LRMDA: variants seen among roughly 807,000 people sequenced by gnomAD.
LRMDA encodes the protein leucine-rich melanocyte differentiation-associated protein.
Under a neutral mutation model 29.8 loss-of-function variants are expected in LRMDA, and 18 were observed. That is an observed-to-expected ratio of 0.60 (90% CI 0.42 to 0.90). LRMDA has a LOEUF of 0.90. LRMDA is among the 40% of genes least tolerant of loss of function. The pLI is 0.00. For synonymous variants in LRMDA, 125 were observed against 109.4 expected, an observed-to-expected ratio of 1.14 and a Z score of -0.89; for missense variants, 273 against 273.9, an observed-to-expected ratio of 1.00 and a Z score of 0.02.
At chr10:75,974,610 C>T (rs981192115) in intron 2 of LRMDA, among the ~76,000 whole-genome samples, 3 of 152,152 alleles carry the variant, frequency 2.0e-5, no homozygotes, top group Non-Finnish European at 4.4e-5. Flanking sequence ...ATCCTCCCAG[C>T]AGCTCAATGA....
At chr10:76,379,678 G>C (rs1046961345) in intron 6 of LRMDA, among the ~76,000 whole-genome samples, 1 of 151,704 alleles carries the variant, frequency 6.6e-6, no homozygotes, top group African/African-American at 2.4e-5. Context: ...TTGTTTTATC[G>C]ATACTTTGTG....
chr10:75,936,181 G>C (rs1846289267), intron 2 of LRMDA, among the ~76,000 whole-genome samples: 1 of 152,084 alleles, frequency 6.6e-6, no homozygotes, highest in Non-Finnish European at 1.5e-5. Context: ...CACAATCCAG[G>C]ATGTTCTGTC....
chr10:76,061,958 G>A (rs77082990), intron 5 of LRMDA, among the ~76,000 whole-genome samples: 3,153 of 152,216 alleles, frequency 0.021, 125 homozygotes, highest in African/African-American at 0.072. Flanking sequence ...GCATTAAAAA[G>A]GCTGGTTCTC....
intron 2 of LRMDA, among the ~76,000 whole-genome samples, chr10:75,765,484 C>T (rs1843151045): frequency 6.6e-6 from 1 of 152,182 alleles, no homozygotes; most frequent in African/African-American, 2.4e-5. Context: ...AGCTGGATCA[C>T]GTCTGTGTTT....
At chr10:76,293,855 G>A (rs1840380146) in intron 5 of LRMDA, among the ~76,000 whole-genome samples, 2 of 152,080 alleles carry the variant, frequency 1.3e-5, no homozygotes. Context: ...TTTACTCTCT[G>A]GTTTGTTGTA....
At chr10:76,349,648 A>G (rs1392450377) in intron 6 of LRMDA, among the ~76,000 whole-genome samples, 1 of 152,156 alleles carries the variant, frequency 6.6e-6, no homozygotes, top group Non-Finnish European at 1.5e-5. Context: ...TAAAACAACA[A>G]AATACATTTT....
chr10:75,727,340 G>T (rs1418016490), intron 2 of LRMDA, among the ~76,000 whole-genome samples: 1 of 152,150 alleles, frequency 6.6e-6, no homozygotes, highest in Admixed American at 6.5e-5. Flanking sequence ...CAGCTGACCA[G>T]GGAAGACAAA....
chr10:76,183,549 A>T, intron 5 of LRMDA, among the ~76,000 whole-genome samples: 1 of 152,126 alleles, frequency 6.6e-6, no homozygotes, highest in African/African-American at 2.4e-5. Flanking sequence ...CATACACAGA[A>T]CCCGGTTGGG....
chr10:76,504,387 C>T (rs1304131881), intron 6 of LRMDA, among the ~76,000 whole-genome samples: 1 of 151,780 alleles, frequency 6.6e-6, no homozygotes, highest in African/African-American at 2.4e-5. Context: ...TTTTTTTGTT[C>T]ATTTCTGCCT....
chr10:76,216,641 T>A (rs901547266), intron 5 of LRMDA, among the ~76,000 whole-genome samples: 1 of 152,152 alleles, frequency 6.6e-6, no homozygotes, highest in East Asian at 1.9e-4. Flanking sequence ...TGGCAAAATT[T>A]TTTTCAAAAT....
At chr10:76,495,458 T>C (rs976365495) in intron 6 of LRMDA, among the ~76,000 whole-genome samples, 1 of 151,882 alleles carries the variant, frequency 6.6e-6, no homozygotes, top group Non-Finnish European at 1.5e-5. Context: ...TTTCTCCCAC[T>C]TTATTCTTCC....
intron 6 of LRMDA, among the ~76,000 whole-genome samples, chr10:76,543,291 G>A (rs900303156): frequency 6.6e-6 from 1 of 150,442 alleles, no homozygotes; most frequent in African/African-American, 2.4e-5. Context: ...CATGATTGGA[G>A]AATTTAGTTG....
At chr10:75,473,735 T>A (rs1844754522) in intron 2 of LRMDA, among the ~76,000 whole-genome samples, 1 of 152,224 alleles carries the variant, frequency 6.6e-6, no homozygotes, top group Non-Finnish European at 1.5e-5. Flanking sequence ...GTAGGCTGCC[T>A]GTGTAGTGTC....
At chr10:76,457,688 A>G (rs11001786) in intron 6 of LRMDA, among the ~76,000 whole-genome samples, 37,426 of 152,096 alleles carry the variant, frequency 0.25, 5,528 homozygotes, top group Non-Finnish European at 0.34. Flanking sequence ...ACATTAATGA[A>G]TCAACAAAAT....
intron 5 of LRMDA, among the ~76,000 whole-genome samples, chr10:76,196,864 G>C (rs1294157281): frequency 6.6e-6 from 1 of 152,200 alleles, no homozygotes; most frequent in Non-Finnish European, 1.5e-5. Context: ...CTCTACCTTT[G>C]TGACATCTAG....
At chr10:76,115,118 G>A (rs1022171787) in intron 5 of LRMDA, among the ~76,000 whole-genome samples, 2 of 152,224 alleles carry the variant, frequency 1.3e-5, no homozygotes, top group African/African-American at 2.4e-5. Flanking sequence ...CTTTCCTCGT[G>A]TTGGGGCCAT....
At chr10:75,845,204 C>G (rs1844611910) in intron 2 of LRMDA, among the ~76,000 whole-genome samples, 1 of 106,340 alleles carries the variant, frequency 9.4e-6, no homozygotes, top group South Asian at 3.9e-4. Context: ...AAATTATGAG[C>G]CACAGGTTTT....
intron 6 of LRMDA, among the ~76,000 whole-genome samples, chr10:76,432,918 G>A (rs1022860303): frequency 6.6e-6 from 1 of 152,190 alleles, no homozygotes; most frequent in Non-Finnish European, 1.5e-5. Flanking sequence ...GTGGCCATGT[G>A]TGCCACCAGT....
chr10:75,753,685 A>G (rs1361636744), intron 2 of LRMDA, among the ~76,000 whole-genome samples: 1 of 152,188 alleles, frequency 6.6e-6, no homozygotes, highest in Non-Finnish European at 1.5e-5. Flanking sequence ...TCTAAGGGTG[A>G]TAGGAAACCA....
Sources: gnomAD v4.1 joint callset for allele counts (sites outside exome capture counted in the v4.1 genomes callset) on GRCh38, gnomAD v4.1.1 for gene constraint, MANE v1.5 for transcripts, NCBI Gene and HGNC (gene_info 2026-07-23, HGNC 2026-07-21) for gene names.